LVRN: variants seen among roughly 807,000 people sequenced by gnomAD.
LVRN encodes the protein aminopeptidase Q.
Under a neutral mutation model 111.4 loss-of-function variants are expected in LVRN, and 99 were observed. The ratio of observed to expected loss-of-function variants is 0.89; its 90% CI spans 0.76 to 1.05. LVRN has a LOEUF of 1.05. Among genes scored for constraint, LVRN ranks in the 50% least tolerant of loss-of-function variants. The probability of loss-of-function intolerance (pLI) is 0.00; values close to 1 mark genes in which losing one functional copy is unlikely to be tolerated. For missense variants in LVRN, 1,414 were observed against 1,206.8 expected (o/e 1.17, Z -2.54); for synonymous variants, 488 against 449.5 (o/e 1.09, Z -1.08).
Position 115,987,890 on chromosome 5 carries a change from C to T in LVRN, c.1056C>T (p.Phe352=), listed in dbSNP as rs760218481. The change falls in exon 4 of 20, where the codon TTC becomes TTT. Residue 352 remains phenylalanine, a synonymous_variant. Transcript: ENST00000357872. Reference sequence around the variant, plus strand: ...CTTTGAACATCACAGGTCCCATCTTCTCTTTTCTGGAGGATTTGTTTAATA... The same window carrying T: ...CTTTGAACATCACAGGTCCCATCTTTTCTTTTCTGGAGGATTTGTTTAATA... ...DFALNITGPI[F]SFLEDLFNIS... is the part of the protein sequence containing the mutation. The T allele has an allele frequency of 1.9e-6, 3 of 1,613,396 alleles. No individual in the cohort carries two copies. Among genetic ancestry groups the T allele is most frequent in the Admixed American group, 3.3e-5 (2 of 59,898 alleles).
intron 18 of LVRN, among the ~76,000 whole-genome samples, chr5:116,017,385 G>T (rs1224006093): frequency 6.6e-6 from 1 of 152,254 alleles, no homozygotes; most frequent in Non-Finnish European, 1.5e-5. Context: ...AGCACACACA[G>T]GCTGTCCTGA....
Position 116,015,800 on chromosome 5 carries a change from G to A in LVRN, c.2756+35G>A. On this transcript the variant is annotated intron_variant, in intron 18 of 19. Coordinates refer to ENST00000357872, the MANE Select transcript of LVRN (RefSeq NM_173800.5). ...AAAGTGAGACCTTTCTTTCATTTAG[G>A]CCACTGGTTTGGCACTGGAAGCTCA... The A allele has an allele frequency of 1.9e-6, 3 of 1,609,124 alleles. 1 individual carries two copies. The South Asian group carries it at 3.3e-5, about 18-fold the overall frequency.
Position 116,001,068 on chromosome 5 carries a change from C to T in LVRN, c.1649C>T (p.Ala550Val). 6.3e-7 allele frequency: 1 copy of T among 1,598,340 alleles called. No individual in the cohort carries two copies. The highest frequency in any genetic ancestry group is 8.5e-7 in the Non-Finnish European group (1 of 1,175,644). ...QDDLWRHFQMAIDDQSTVILP... is the reference protein window; with the variant it reads ...QDDLWRHFQMVIDDQSTVILP... ...CTTTGTGGTGATTTTTTAAAACAGG[C>T]CATAGATGACCAGAGTACAGTTATT... Residue 550 changes from alanine (A) to valine (V), a missense_variant and splice_region_variant, in exon 10 of 20, where the codon GCC (alanine) becomes GTC (valine). By Grantham distance (64) the Ala-to-Val change is moderately conservative. Transcript: ENST00000357872.
rs902891566 is a variant in LVRN at position 115,963,004 on chromosome 5, C to T, written c.387C>T (p.Gly129=). 3.1e-6 allele frequency: 5 copies of T among 1,613,636 alleles called. No individual in the cohort carries two copies. The highest frequency in any genetic ancestry group is 4.2e-6 in the Non-Finnish European group (5 of 1,179,922). Residue 129 remains glycine, a synonymous_variant, in exon 1 of 20, where the codon GGC becomes GGT. Coordinates refer to ENST00000357872, the MANE Select transcript of LVRN (RefSeq NM_173800.5). Reference sequence around the variant, plus strand: ...CGGCCGGGTCTTTGCCCTTCACTGGCCGCGTGAACATCACGGTGCGCTGCA... The same window carrying T: ...CGGCCGGGTCTTTGCCCTTCACTGGTCGCGTGAACATCACGGTGCGCTGCA... ...ELPAGSLPFT[G]RVNITVRCTV...
chr5:116,013,256 A>G (rs1452151481), intron 15 of LVRN, among the ~76,000 whole-genome samples: 1 of 152,202 alleles, frequency 6.6e-6, no homozygotes, highest in Non-Finnish European at 1.5e-5. Flanking sequence ...TTTTAGTGCT[A>G]AGGGATGTGA....
chr5:116,021,757 G>C (rs1410963150), intron 18 of LVRN: 7 of 444,934 alleles, frequency 1.6e-5, no homozygotes, highest in Non-Finnish European at 3.1e-5. Flanking sequence ...GAGCAGGTAA[G>C]TGTCTGCTGT....
intron 1 of LVRN, chr5:115,976,172 C>T (rs1193887226): frequency 6.6e-6 from 1 of 152,276 alleles, no homozygotes; most frequent in Admixed American, 6.5e-5. Flanking sequence ...CCCCTATATC[C>T]TTCACAACCT....
rs576367558 is a variant in LVRN at position 115,984,631 on chromosome 5, G to A, written c.900G>A (p.Thr300=). 49 of 1,613,616 alleles carry A rather than the reference G, an allele frequency of 3.0e-5. No individual in the cohort carries two copies. Among genetic ancestry groups the A allele is most frequent in the Non-Finnish European group, 4.2e-5 (49 of 1,179,714 alleles). ...SKWTVTTFST[T]PHMPTYLVAF... is the part of the protein sequence containing the mutation. Reference sequence around the variant, plus strand: ...GGACTGTTACAACCTTTTCCACTACGCCCCACATGCCAACTTACTTAGTCG... The same window carrying A: ...GGACTGTTACAACCTTTTCCACTACACCCCACATGCCAACTTACTTAGTCG... Residue 300 remains threonine (T), a synonymous_variant, in exon 3 of 20, where the codon ACG becomes ACA. Coordinates refer to ENST00000357872, the MANE Select transcript of LVRN (RefSeq NM_173800.5).
intron 4 of LVRN, among the ~76,000 whole-genome samples, chr5:115,991,411 A>G (rs1173070686): frequency 2.0e-5 from 3 of 152,204 alleles, no homozygotes; most frequent in East Asian, 1.9e-4. Context: ...ACTCTGTTGT[A>G]TTGATGTACT....
intron 6 of LVRN, among the ~76,000 whole-genome samples, chr5:115,994,804 T>C (rs909499801): frequency 2.6e-5 from 4 of 152,236 alleles, no homozygotes; most frequent in African/African-American, 9.6e-5. Context: ...AATGCCATGA[T>C]AAAACCAAAT....
intron 3 of LVRN, among the ~76,000 whole-genome samples, chr5:115,985,391 C>T (rs139298895): frequency 1.1e-3 from 174 of 152,184 alleles, no homozygotes; most frequent in African/African-American, 4.0e-3. Context: ...TGTAACTCTC[C>T]AGACCCAGGG....
chr5:116,003,938 G>C (rs758950683), intron 12 of LVRN, among the ~76,000 whole-genome samples: 6 of 152,160 alleles, frequency 3.9e-5, no homozygotes, highest in Non-Finnish European at 8.8e-5. Context: ...TTCCAGGTAA[G>C]AATCAGGATG....
intron 12 of LVRN, among the ~76,000 whole-genome samples, chr5:116,005,314 A>T (rs1016418124): frequency 6.6e-6 from 1 of 152,222 alleles, no homozygotes; most frequent in African/African-American, 2.4e-5. Context: ...CCCCTTAGGG[A>T]CTGAGCTGAC....
chr5:115,997,800 A>G (rs187083030), intron 6 of LVRN, among the ~76,000 whole-genome samples: 32 of 152,308 alleles, frequency 2.1e-4, no homozygotes, highest in African/African-American at 7.0e-4. Flanking sequence ...AGCTGACATC[A>G]TGTTTTATGT....
chr5:115,987,058 A>G (rs1436295384), intron 3 of LVRN, among the ~76,000 whole-genome samples: 1 of 152,068 alleles, frequency 6.6e-6, no homozygotes, highest in Non-Finnish European at 1.5e-5. Context: ...AGTTTACAAT[A>G]CTTTCAATTT....
chr5:115,974,877 C>A, intron 1 of LVRN: 1 of 418,430 alleles, frequency 2.4e-6, no homozygotes, highest in East Asian at 6.3e-5. Flanking sequence ...CCCGACCAAT[C>A]TCTCTGTTCT....
At chr5:115,965,216 C>G (rs948502363) in intron 1 of LVRN, among the ~76,000 whole-genome samples, 1 of 152,188 alleles carries the variant, frequency 6.6e-6, no homozygotes, top group Non-Finnish European at 1.5e-5. Context: ...TCCTTGTTAT[C>G]TAAACGCAGA....
At position 116,000,643 on chromosome 5, in the gene LVRN, G is replaced by T; in HGVS notation, c.1632G>T (p.Trp544Cys). Reference protein sequence around the residue: ...SYSNAEQDDLWRHFQMAIDDQ... With the variant: ...SYSNAEQDDLCRHFQMAIDDQ... ...CAAACGCTGAGCAAGATGATCTATG[G>T]AGGCATTTTCAAATGGTAATTGTCC... The change falls in exon 9 of 20, where the codon TGG becomes TGT. Residue 544 changes from tryptophan (W) to cysteine (C), a missense_variant. Trp to Cys is a radical substitution (Grantham distance 215). Coordinates refer to ENST00000357872, the MANE Select transcript of LVRN (RefSeq NM_173800.5). 6.2e-7 allele frequency: 1 copy of T among 1,613,896 alleles called. No homozygotes were observed. The highest frequency in any genetic ancestry group is 8.5e-7 in the Non-Finnish European group (1 of 1,179,894).
At position 115,984,801 on chromosome 5, in the gene LVRN, T is replaced by C. The variant is rs116459857; in HGVS notation, c.978+92T>C. ...TGCATCCAGTGGTTATGGCTGCATA[T>C]CCCCAAATCGCTTCCTAGTTCTCTC... On this transcript the variant is annotated intron_variant, in intron 3 of 19. Transcript: ENST00000357872. 2.9e-3 allele frequency: 4,418 copies of C among 1,499,736 alleles called. 137 individuals are homozygous for C. The African/African-American group carries it at 0.056, about 19-fold the overall frequency. 92.9% of individuals were successfully genotyped at this position (1,499,736 alleles called of 1,614,324 possible). A position where few individuals can be genotyped will look rare whatever the true frequency, so the allele number is the denominator to read the frequency against.
Sources: allele counts gnomAD v4.1 joint callset (sites outside exome capture counted in the v4.1 genomes callset), GRCh38; gene constraint gnomAD v4.1.1; transcripts MANE v1.5; gene names NCBI Gene and HGNC (gene_info 2026-07-23, HGNC 2026-07-21).